GALNT14: variants seen among roughly 807,000 people sequenced by gnomAD.
The protein encoded by GALNT14 is polypeptide N-acetylgalactosaminyltransferase 14.
A neutral mutation model predicts 77.5 loss-of-function variants in GALNT14; 60 were observed. The ratio of observed to expected loss-of-function variants is 0.77; its 90% CI spans 0.63 to 0.96. GALNT14 has a LOEUF of 0.96. GALNT14 is among the 40% of genes least tolerant of loss of function. GALNT14 has a pLI of 0.00. For missense variants in GALNT14, 710 were observed against 731.0 expected, an observed-to-expected ratio of 0.97 and a Z score of 0.33; for synonymous variants, 280 against 281.7, an observed-to-expected ratio of 0.99 and a Z score of 0.06.
chr2:30,902,393 G>A, the GALNT14 span, among the ~76,000 whole-genome samples: 1 of 152,184 alleles, frequency 6.6e-6, no homozygotes, highest in African/African-American at 2.4e-5. Context: ...TTAAGACACA[G>A]GCACAGCAGC....
Position 31,122,350 on chromosome 2 carries a change from G to T in GALNT14, c.129+15608C>A, listed in dbSNP as rs112102211. Among the ~76,000 whole-genome samples the T allele has an allele frequency of 2.2e-4, 33 of 152,352 alleles. No individual in the cohort carries two copies. The East Asian group carries it at 5.6e-3, about 26-fold the overall frequency. The stretch of plus-strand genomic sequence containing the variant: ...AAGCCTCCAGAATCGCTGTGAAGCC[G>T]TGAGTAGAGGAATCCCCATCCCCAC... On this transcript the variant is annotated intron_variant, in intron 1 of 14. Coordinates refer to ENST00000349752, the MANE Select transcript of GALNT14 (RefSeq NM_024572.4).
At chr2:31,068,224 C>T (rs778349362) in intron 1 of GALNT14, among the ~76,000 whole-genome samples, 1 of 152,164 alleles carries the variant, frequency 6.6e-6, no homozygotes, top group Non-Finnish European at 1.5e-5. Flanking sequence ...CAATGGTTCA[C>T]ATCTGTAATC....
the GALNT14 span, among the ~76,000 whole-genome samples, chr2:30,903,448 C>T: frequency 1.9e-3 from 284 of 152,340 alleles, 1 homozygote; most frequent in African/African-American, 6.5e-3. Flanking sequence ...ACTGTGACTT[C>T]CGTCTTGGTG....
At chr2:31,096,939 A>T (rs966312785) in intron 1 of GALNT14, among the ~76,000 whole-genome samples, 8 of 152,082 alleles carry the variant, frequency 5.3e-5, no homozygotes, top group African/African-American at 1.9e-4. Context: ...CCATCCTCTA[A>T]TCGCGTCCCA....
intron 1 of GALNT14, among the ~76,000 whole-genome samples, chr2:31,025,777 A>G (rs1240615664): frequency 6.6e-6 from 1 of 152,204 alleles, no homozygotes; most frequent in Admixed American, 6.5e-5. Context: ...GGCTCATGCT[A>G]TTCTGGGGTC....
At chr2:30,911,159 G>T in intron 14 of GALNT14, 100 bp from the exon 15 acceptor site, 1 of 1,042,736 alleles carries the variant, frequency 9.6e-7, no homozygotes, top group Non-Finnish European at 1.4e-6. Flanking sequence ...TAGGGTCACT[G>T]AGAGACTTGA....
chr2:30,911,575 G>A (rs1029545414), intron 14 of GALNT14, among the ~76,000 whole-genome samples: 5 of 152,194 alleles, frequency 3.3e-5, no homozygotes, highest in Non-Finnish European at 5.9e-5. Context: ...GAAGCACCCC[G>A]GAGAGGGCAC....
intron 3 of GALNT14, among the ~76,000 whole-genome samples, chr2:30,960,258 T>C (rs1667602658): frequency 6.6e-6 from 1 of 152,074 alleles, no homozygotes; most frequent in Non-Finnish European, 1.5e-5. Flanking sequence ...ACCAGCCCTC[T>C]AATCAGGGAG....
chr2:30,995,976 C>T (rs765963856), intron 1 of GALNT14, among the ~76,000 whole-genome samples: 2 of 152,148 alleles, frequency 1.3e-5, no homozygotes, highest in Non-Finnish European at 2.9e-5. Context: ...AAAGCCATGT[C>T]GCAGCTCAAA....
intron 2 of GALNT14, among the ~76,000 whole-genome samples, chr2:30,989,082 ACCTAG>A (rs1669497378): frequency 6.6e-6 from 1 of 152,186 alleles, no homozygotes; most frequent in African/African-American, 2.4e-5. Flanking sequence ...AGAAGCGCTT[ACCTAG>A]AGCAGTGGTT....
intron 1 of GALNT14, among the ~76,000 whole-genome samples, chr2:31,103,432 A>G (rs1442378179): frequency 6.6e-6 from 1 of 152,026 alleles, no homozygotes; most frequent in Non-Finnish European, 1.5e-5. Context: ...CCTGACAGCC[A>G]GTTGTGAAAG....
chr2:30,893,737 T>C, the GALNT14 span, among the ~76,000 whole-genome samples: 1 of 151,704 alleles, frequency 6.6e-6, no homozygotes, highest in African/African-American at 2.4e-5. Context: ...GGGATTTCTA[T>C]ATGTAAGCAT....
intron 1 of GALNT14, among the ~76,000 whole-genome samples, chr2:31,025,441 A>T (rs1004239507): frequency 6.6e-6 from 1 of 152,178 alleles, no homozygotes; most frequent in Admixed American, 6.5e-5. Flanking sequence ...GGATGGGGAG[A>T]GAGCACAAGT....
At chr2:30,895,347 G>A in the GALNT14 span, among the ~76,000 whole-genome samples, 2 of 39,450 alleles carry the variant, frequency 5.1e-5, no homozygotes, top group Non-Finnish European at 1.0e-4. Context: ...AGAGTCCCCT[G>A]GGAACACAGA....
intron 2 of GALNT14, among the ~76,000 whole-genome samples, chr2:30,984,274 C>T (rs56746257): frequency 0.066 from 10,010 of 152,298 alleles, 539 homozygotes; most frequent in East Asian, 0.17. Flanking sequence ...CTCTAGCTCC[C>T]GGGCCAGCAG....
At chr2:31,033,215 A>G (rs1672520900) in intron 1 of GALNT14, among the ~76,000 whole-genome samples, 1 of 152,092 alleles carries the variant, frequency 6.6e-6, no homozygotes, top group South Asian at 2.1e-4. Flanking sequence ...TTCTATGGAC[A>G]AGGGCTCCCA....
intron 1 of GALNT14, among the ~76,000 whole-genome samples, chr2:31,122,771 T>C (rs545810713): frequency 3.6e-4 from 55 of 152,370 alleles, no homozygotes; most frequent in African/African-American, 1.2e-3. Flanking sequence ...TTATTTTCTA[T>C]TTTTATTGTA....
chr2:30,904,639 C>G, the GALNT14 span, among the ~76,000 whole-genome samples: 2 of 152,316 alleles, frequency 1.3e-5, no homozygotes, highest in Admixed American at 6.5e-5. Flanking sequence ...GGGGGAGGGG[C>G]GCCCGCCATT....
chr2:30,930,708 G>A lies in GALNT14; in HGVS notation c.1059-1221C>T, dbSNP rs188776502. Among the ~76,000 whole-genome samples, 14 of 152,342 alleles carry A rather than the reference G, an allele frequency of 9.2e-5. No individual in the cohort carries two copies. The East Asian group carries it at 2.5e-3, about 27-fold the overall frequency. On this transcript the variant is annotated intron_variant, in intron 10 of 14. Transcript: ENST00000349752. ...GAGCAGAAGCATTCAAGAGAGGAGC[G>A]TGGCAAGCCCTTCTAAGCTAGGACC...
Sources: gnomAD v4.1 joint callset for allele counts (sites outside exome capture counted in the v4.1 genomes callset) on GRCh38, gnomAD v4.1.1 for gene constraint, MANE v1.5 for transcripts, NCBI Gene and HGNC (gene_info 2026-07-23, HGNC 2026-07-21) for gene names.